Variants in AFDN observed in about 807,000 individuals in gnomAD.
AFDN encodes the protein afadin, adherens junction formation factor, also known as afadin.
A neutral mutation model predicts 216.6 loss-of-function variants in AFDN; 68 were observed. The ratio of observed to expected loss-of-function variants is 0.31; its 90% CI spans 0.26 to 0.38. The LOEUF is 0.38. Among genes scored for constraint, AFDN ranks in the 10% least tolerant of loss-of-function variants. The pLI is 1.00. For missense variants in AFDN, 2,136 were observed against 2,342.0 expected (o/e 0.91, Z 1.82); for synonymous variants, 868 against 853.7 (o/e 1.02, Z -0.29).
chr6:167,909,950 G>A (rs1430595711), intron 13 of AFDN, among the ~76,000 whole-genome samples: 7 of 152,162 alleles, frequency 4.6e-5, no homozygotes, highest in African/African-American at 1.2e-4. Flanking sequence ...CTAATCACTT[G>A]ACTATGTGTT....
intron 12 of AFDN, among the ~76,000 whole-genome samples, chr6:167,904,785 G>A (rs1363124116): frequency 6.6e-6 from 1 of 152,126 alleles, no homozygotes; most frequent in African/African-American, 2.4e-5. Context: ...CATGGCAGGA[G>A]GACCACACGG....
At chr6:167,896,096 T>C (rs1413740916) in intron 9 of AFDN, among the ~76,000 whole-genome samples, 2 of 152,130 alleles carry the variant, frequency 1.3e-5, no homozygotes, top group African/African-American at 4.8e-5. Flanking sequence ...TGAGAAAACA[T>C]GTCTAGGTGT....
chr6:167,963,135 A>G, intron 31 of AFDN: 1 of 1,066,702 alleles, frequency 9.4e-7, no homozygotes, highest in Non-Finnish European at 1.1e-6. Context: ...GTGTGTGTTT[A>G]AATCAAGTAA....
At position 167,970,943 on chromosome 6, in the gene AFDN, A is replaced by C. The variant is rs1797980930; in HGVS notation, c.*1008A>C. 9.4e-6 allele frequency: 2 copies of C among 211,664 alleles called. No homozygotes were observed. Among genetic ancestry groups the C allele is most frequent in the Non-Finnish European group, 1.9e-5 (2 of 104,556 alleles). The allele number at this position is 211,664 out of a possible 1,614,324, so 13.1% of individuals were successfully genotyped here. A position where few individuals can be genotyped will look rare whatever the true frequency, so the allele number is the denominator to read the frequency against. On this transcript the variant is annotated 3_prime_UTR_variant, in exon 34 of 34. Transcript: ENST00000683244. ...TTCAGTTACAGGGCATCTGTAACTT[A>C]AATATTGTAAGAATAACTCATATGG...
chr6:167,841,833 C>T (rs756503051), intron 1 of AFDN, among the ~76,000 whole-genome samples: 5 of 151,842 alleles, frequency 3.3e-5, no homozygotes, highest in Non-Finnish European at 5.9e-5. Context: ...GGATTCTCAC[C>T]GATGCCTTTC....
At chr6:167,836,494 A>G (rs950870298) in intron 1 of AFDN, among the ~76,000 whole-genome samples, 1 of 152,236 alleles carries the variant, frequency 6.6e-6, no homozygotes, top group Non-Finnish European at 1.5e-5. Context: ...AATCACGCAC[A>G]TATGGATTTT....
intron 10 of AFDN, 101 bp downstream of exon 10, chr6:167,897,073 C>G: frequency 1.8e-6 from 1 of 542,064 alleles, no homozygotes; most frequent in Non-Finnish European, 3.1e-6. Context: ...ATTATAATTA[C>G]CGACTTGTAT....
intron 20 of AFDN, among the ~76,000 whole-genome samples, chr6:167,918,414 G>GA (rs1791376023): frequency 6.6e-6 from 1 of 151,932 alleles, no homozygotes; most frequent in East Asian, 1.9e-4. Flanking sequence ...ATTGTGTGAG[G>GA]AAAAAAATGA....
chr6:167,884,853 C>T (rs1345660941), intron 6 of AFDN, among the ~76,000 whole-genome samples: 2 of 152,152 alleles, frequency 1.3e-5, no homozygotes, highest in African/African-American at 4.8e-5. Flanking sequence ...CAGGCTTTGC[C>T]TTCTCCTCTC....
At chr6:167,953,303 C>G (rs1200106707) in intron 30 of AFDN, among the ~76,000 whole-genome samples, 1 of 152,080 alleles carries the variant, frequency 6.6e-6, no homozygotes, top group Non-Finnish European at 1.5e-5. Context: ...GAAATTTAAC[C>G]TTAGATAATA....
chr6:167,932,407 C>G (rs1793423327), intron 23 of AFDN, among the ~76,000 whole-genome samples: 1 of 152,168 alleles, frequency 6.6e-6, no homozygotes, highest in Non-Finnish European at 1.5e-5. Flanking sequence ...TCTTGGTCAT[C>G]TGTGGGACAA....
intron 27 of AFDN, among the ~76,000 whole-genome samples, chr6:167,947,337 G>T (rs1244511017): frequency 1.3e-5 from 2 of 152,056 alleles, no homozygotes; most frequent in East Asian, 3.9e-4. Context: ...CCACCACCAC[G>T]CCCGGCTAAT....
rs370264404 is a variant in AFDN, at chr6:167,936,495, G to A, written c.3100-6634G>A. On this transcript the variant is annotated intron_variant, in intron 23 of 33. Coordinates refer to ENST00000683244, the MANE Select transcript of AFDN (RefSeq NM_001386888.1). Reference sequence around the variant, plus strand: ...TCAGCCTTAATAGACTACATAGATTGTCCATTATTGTTTAGAAATAAGACC... The same window carrying A: ...TCAGCCTTAATAGACTACATAGATTATCCATTATTGTTTAGAAATAAGACC... Among the ~76,000 whole-genome samples the A allele has an allele frequency of 3.9e-3, 597 of 152,168 alleles. 4 individuals are homozygous for A. The highest frequency in any genetic ancestry group is 0.014 in the African/African-American group (575 of 41,506).
intron 26 of AFDN, among the ~76,000 whole-genome samples, chr6:167,945,163 A>T (rs1582997880): frequency 6.7e-6 from 1 of 150,102 alleles, no homozygotes; most frequent in East Asian, 2.0e-4. Context: ...GTGATTTTCT[A>T]TTTTTTTTTT....
intron 2 of AFDN, among the ~76,000 whole-genome samples, chr6:167,867,416 T>C (rs1004280113): frequency 2.0e-5 from 3 of 151,934 alleles, no homozygotes; most frequent in African/African-American, 7.2e-5. Context: ...TACGGACTAA[T>C]TCTTTTTTTT....
At chr6:167,846,434 GTT>G (rs1160428302) in intron 1 of AFDN, among the ~76,000 whole-genome samples, 1 of 151,720 alleles carries the variant, frequency 6.6e-6, no homozygotes. Context: ...GTTTTTTTCT[GTT>G]TTGGGGATAA....
intron 26 of AFDN, among the ~76,000 whole-genome samples, chr6:167,945,333 C>A (rs1003392072): frequency 6.6e-6 from 1 of 152,288 alleles, no homozygotes; most frequent in African/African-American, 2.4e-5. Context: ...GGAGCCATCA[C>A]CTCCTGTGGT....
At chr6:167,874,605 C>T (rs1201946190) in intron 4 of AFDN, among the ~76,000 whole-genome samples, 5 of 144,194 alleles carry the variant, frequency 3.5e-5, no homozygotes, top group African/African-American at 1.3e-4. Flanking sequence ...TCAAAATTTG[C>T]TATAATTTTT....
chr6:167,833,505 G>T (rs908668850), intron 1 of AFDN, among the ~76,000 whole-genome samples: 2 of 152,116 alleles, frequency 1.3e-5, no homozygotes, highest in Admixed American at 1.3e-4. Flanking sequence ...AAAATCAGGC[G>T]GTTTCTGCTC....
Sources: allele counts gnomAD v4.1 joint callset (sites outside exome capture counted in the v4.1 genomes callset), GRCh38; gene constraint gnomAD v4.1.1; transcripts MANE v1.5; gene names NCBI Gene and HGNC (gene_info 2026-07-23, HGNC 2026-07-21).